SEPSECS: variants seen among roughly 807,000 people sequenced by gnomAD.
SEPSECS encodes O-phosphoseryl-tRNA(Sec) selenium transferase.
In SEPSECS, 42 loss-of-function variants were observed where a neutral mutation model predicts 52.1. The observed-to-expected ratio is 0.81, with a 90% CI of 0.63 to 1.04. The LOEUF is 1.04. Ranked by LOEUF, SEPSECS falls within the 50% of genes least tolerant of loss-of-function variation. The pLI, the probability that SEPSECS is intolerant of heterozygous loss-of-function variation, is 0.00. For synonymous variants in SEPSECS, 216 were observed against 211.4 expected (o/e 1.02, Z -0.19); for missense variants, 590 against 610.6 (o/e 0.97, Z 0.36).
intron 2 of SEPSECS, 91 bp from the exon 3 acceptor site, chr4:25,157,065 A>C (rs1712710271): frequency 1.3e-6 from 1 of 788,498 alleles, no homozygotes; most frequent in Admixed American, 1.7e-5. Context: ...AACCAAAAAA[A>C]CACCAGGAGC....
At chr4:25,159,559 G>C (rs1712918119) in intron 1 of SEPSECS, 1 of 422,180 alleles carries the variant, frequency 2.4e-6, no homozygotes, top group Admixed American at 2.6e-5. Flanking sequence ...ATCACTTGAA[G>C]TCAGGAGTTT....
intron 5 of SEPSECS, 60 bp from the exon 6 acceptor site, chr4:25,152,122 G>A (rs779479831): frequency 5.5e-5 from 59 of 1,067,522 alleles, no homozygotes; most frequent in Non-Finnish European, 8.3e-5. Context: ...AAATGATAGT[G>A]CAGAAAGTTT....
At chr4:25,148,290 T>A (rs1560332070) in intron 6 of SEPSECS, among the ~76,000 whole-genome samples, 1 of 144,474 alleles carries the variant, frequency 6.9e-6, no homozygotes, top group Non-Finnish European at 1.5e-5. Flanking sequence ...GAGGCGGAGC[T>A]TGCAGTGAGC....
rs142338876 is a variant in SEPSECS at position 25,156,192 on chromosome 4, A to C, written c.392T>G (p.Val131Gly). 1 of 1,613,724 alleles carries C rather than the reference A, an allele frequency of 6.2e-7. No individual in the cohort carries two copies. ...LVLDIIKLAGVHTVANCFVVP... is the reference protein window; with the variant it reads ...LVLDIIKLAGGHTVANCFVVP... ...TACAAAGCAGTTGGCTACTGTATGG[A>C]CACCTACAAATAAGAAGCAAAACAG... Residue 131 changes from valine to glycine, a missense_variant, in exon 4 of 11, where the codon GTC becomes GGC. Coordinates refer to ENST00000382103, the MANE Select transcript of SEPSECS (RefSeq NM_016955.4).
Position 25,123,859 on chromosome 4 carries a change from A to T in SEPSECS, c.*72T>A. On this transcript the variant is annotated 3_prime_UTR_variant, in exon 11 of 11. Coordinates refer to ENST00000382103, the MANE Select transcript of SEPSECS (RefSeq NM_016955.4). ...TCTCAATTCAAAAATCTCAAGTCTT[A>T]TCTTTAAACTGCTTGCTTGTACTAC... 7.4e-7 allele frequency: 1 copy of T among 1,342,986 alleles called. No homozygotes were observed. Among genetic ancestry groups the T allele is most frequent in the Non-Finnish European group, 1.1e-6 (1 of 938,444 alleles). 83.2% of individuals were successfully genotyped at this position (1,342,986 alleles called of 1,614,324 possible). A position where few individuals can be genotyped will look rare whatever the true frequency, so the allele number is the denominator to read the frequency against.
chr4:25,158,665 T>A (rs1425334257), intron 2 of SEPSECS, among the ~76,000 whole-genome samples: 1 of 151,968 alleles, frequency 6.6e-6, no homozygotes, highest in African/African-American at 2.4e-5. Context: ...CAACCAGATA[T>A]GTTTATTAGG....
intron 8 of SEPSECS, among the ~76,000 whole-genome samples, chr4:25,134,914 C>T (rs1728774964): frequency 6.6e-6 from 1 of 152,142 alleles, no homozygotes; most frequent in Admixed American, 6.5e-5. Flanking sequence ...AAGAAACTCA[C>T]TCAAAACCAC....
intron 6 of SEPSECS, among the ~76,000 whole-genome samples, chr4:25,148,438 A>G (rs1192098964): frequency 4.0e-5 from 6 of 151,722 alleles, no homozygotes; most frequent in African/African-American, 4.8e-5. Flanking sequence ...AACAATAAGG[A>G]CTATTGAGAT....
At chr4:25,148,901 C>T (rs1171916374) in intron 6 of SEPSECS, among the ~76,000 whole-genome samples, 1 of 152,162 alleles carries the variant, frequency 6.6e-6, no homozygotes. Flanking sequence ...AATACATTAT[C>T]TGCAACAATA....
At chr4:25,156,601 G>A (rs886937398) in intron 3 of SEPSECS, among the ~76,000 whole-genome samples, 2 of 150,616 alleles carry the variant, frequency 1.3e-5, no homozygotes, top group African/African-American at 2.4e-5. Flanking sequence ...CCAGCTGCTC[G>A]GGAGGCTGAG....
chr4:25,122,489 T>TA lies in SEPSECS; in HGVS notation c.*1441dup, dbSNP rs1231350838. The TA allele has an allele frequency of 1.3e-5, 2 of 152,196 alleles. No homozygotes were observed. Among genetic ancestry groups the TA allele is most frequent in the Non-Finnish European group, 2.9e-5 (2 of 68,014 alleles). 9.4% of individuals were successfully genotyped at this position (152,196 alleles called of 1,614,324 possible). A position where few individuals can be genotyped will look rare whatever the true frequency, so the allele number is the denominator to read the frequency against. ...TGGGCTGTTAACAAATATTTCACTT[T>TA]AAAAAAATGAGTTTCTCTTTGGATA... On this transcript the variant is annotated 3_prime_UTR_variant, in exon 11 of 11. Transcript: ENST00000382103.
Position 25,120,613 on chromosome 4 carries a change from G to C in SEPSECS, c.*3318C>G, listed in dbSNP as rs559763548. The C allele has an allele frequency of 1.3e-5, 2 of 152,218 alleles. No individual in the cohort carries two copies. Among genetic ancestry groups the C allele is most frequent in the African/African-American group, 4.8e-5 (2 of 41,558 alleles). The allele number at this position is 152,218 out of a possible 1,614,324, so 9.4% of individuals were successfully genotyped here. ...TGGACTTTTTTCAGTTACAAAATAAGGTTGGCCTCAAAAATGCAAAACATA... is the reference window on the plus strand; with the variant it reads ...TGGACTTTTTTCAGTTACAAAATAACGTTGGCCTCAAAAATGCAAAACATA... On this transcript the variant is annotated 3_prime_UTR_variant, in exon 11 of 11. Transcript: ENST00000382103.
intron 6 of SEPSECS, among the ~76,000 whole-genome samples, chr4:25,147,596 C>CT (rs2109024540): frequency 6.6e-6 from 1 of 152,196 alleles, no homozygotes; most frequent in East Asian, 1.9e-4. Context: ...ATTAATCTAT[C>CT]CTAACATCCA....
At chr4:25,138,073 G>C (rs533915285) in intron 8 of SEPSECS, among the ~76,000 whole-genome samples, 88 of 152,238 alleles carry the variant, frequency 5.8e-4, no homozygotes, top group Non-Finnish European at 7.1e-4. Context: ...AGGGGTGCAG[G>C]GGGAGGGAGA....
chr4:25,148,158 C>G lies in SEPSECS; in HGVS notation c.805-3025G>C, dbSNP rs190785250. Among the ~76,000 whole-genome samples the G allele has an allele frequency of 2.5e-3, 385 of 152,154 alleles. 1 individual carries two copies. The Middle Eastern group carries it at 0.041, about 16-fold the overall frequency. ...ACGAGGTCAGGAGATTGAGACCACC[C>G]TGGCTAACACGGTGAAACCCCGTCT... is the stretch of plus-strand genomic sequence containing the variant. On this transcript the variant is annotated intron_variant, in intron 6 of 10. Coordinates refer to ENST00000382103, the MANE Select transcript of SEPSECS (RefSeq NM_016955.4).
chr4:25,136,696 A>G (rs554049675), intron 8 of SEPSECS, among the ~76,000 whole-genome samples: 2 of 152,308 alleles, frequency 1.3e-5, no homozygotes, highest in African/African-American at 4.8e-5. Context: ...CATTCTTCAT[A>G]GAATTAGAAA....
At chr4:25,139,782 G>T (rs1728987737) in intron 8 of SEPSECS, among the ~76,000 whole-genome samples, 1 of 152,134 alleles carries the variant, frequency 6.6e-6, no homozygotes, top group Admixed American at 6.6e-5. Context: ...TTAAATTAGG[G>T]AGTGATAGCA....
chr4:25,130,162 T>G (rs1045685375), intron 8 of SEPSECS, among the ~76,000 whole-genome samples: 1 of 152,236 alleles, frequency 6.6e-6, no homozygotes, highest in African/African-American at 2.4e-5. Flanking sequence ...AGTTTACATA[T>G]TTCAGTGGTG....
rs34262935 is a variant in SEPSECS at position 25,148,352 on chromosome 4, CAAAAAAAAAAA to C, written c.805-3230_805-3220del. Among the ~76,000 whole-genome samples the C allele has an allele frequency of 5.9e-3, 447 of 75,646 alleles. 5 individuals carry two copies. Among genetic ancestry groups the C allele is most frequent in the African/African-American group, 0.024 (433 of 18,080 alleles). The allele number at this position is 75,646 out of a possible 152,430, so 49.6% of individuals were successfully genotyped here. A position where few individuals can be genotyped will look rare whatever the true frequency, so the allele number is the denominator to read the frequency against. On this transcript the variant is annotated intron_variant, in intron 6 of 10. Transcript: ENST00000382103. ...TGGGCGACAGAGCGAGACTCCGTCT[CAAAAAAAAAAA>C]AAAAAAAAAAAAAGCCTAGTAGGAT...
Sources: gnomAD v4.1 joint callset for allele counts (sites outside exome capture counted in the v4.1 genomes callset) on GRCh38, gnomAD v4.1.1 for gene constraint, MANE v1.5 for transcripts, NCBI Gene and HGNC (gene_info 2026-07-23, HGNC 2026-07-21) for gene names.